The following RBM47 variants were observed in gnomAD, a reference collection of about 807,000 sequenced individuals.
The protein encoded by RBM47 is RNA binding motif protein 47, also known as RNA-binding protein 47.
In RBM47, 21 loss-of-function variants were observed where a neutral mutation model predicts 47.1. The ratio of observed to expected loss-of-function variants is 0.45; its 90% confidence interval spans 0.32 to 0.64. The LOEUF (loss-of-function observed/expected upper bound fraction) is 0.64, where lower values mean the gene tolerates loss of function less well. RBM47 is among the 30% of genes least tolerant of loss of function. RBM47 has a pLI of 0.05. For synonymous variants in RBM47, 375 were observed against 361.7 expected (o/e 1.04, Z -0.42); for missense variants, 708 against 870.9 (o/e 0.81, Z 2.35).
At chr4:40,622,199 T>C (rs114263776) in intron 1 of RBM47, among the ~76,000 whole-genome samples, 10 of 152,304 alleles carry the variant, frequency 6.6e-5, no homozygotes, top group Non-Finnish European at 1.2e-4. Context: ...CACAATTACA[T>C]AGTATGCTAC....
intron 2 of RBM47, among the ~76,000 whole-genome samples, chr4:40,506,933 G>A (rs1311097493): frequency 6.6e-6 from 1 of 151,910 alleles, no homozygotes; most frequent in Non-Finnish European, 1.5e-5. Context: ...TCAAAAGTTC[G>A]AGACCAGCCT....
At chr4:40,513,352 T>C (rs1371442006) in intron 2 of RBM47, among the ~76,000 whole-genome samples, 1 of 152,238 alleles carries the variant, frequency 6.6e-6, no homozygotes, top group African/African-American at 2.4e-5. Flanking sequence ...CCTTGTTATA[T>C]TGCCCGTTTT....
intron 2 of RBM47, among the ~76,000 whole-genome samples, chr4:40,525,988 GGAGTGCT>G (rs1726665942): frequency 1.3e-5 from 2 of 152,080 alleles, no homozygotes; most frequent in African/African-American, 4.8e-5. Context: ...CTAGATCCCC[GGAGTGCT>G]CAAAGGAGAG....
intron 1 of RBM47, among the ~76,000 whole-genome samples, chr4:40,564,679 T>G (rs1730934956): frequency 6.6e-6 from 1 of 152,200 alleles, no homozygotes; most frequent in African/African-American, 2.4e-5. Flanking sequence ...ATTTAGTCCT[T>G]TTAGAATACA....
chr4:40,592,423 T>C (rs1734235068), intron 1 of RBM47, among the ~76,000 whole-genome samples: 2 of 125,598 alleles, frequency 1.6e-5, no homozygotes, highest in African/African-American at 6.1e-5. Context: ...ATCTTTTTTT[T>C]TTCTTTTTTT....
At chr4:40,620,835 C>T (rs1172978182) in intron 1 of RBM47, among the ~76,000 whole-genome samples, 2 of 152,056 alleles carry the variant, frequency 1.3e-5, no homozygotes, top group African/African-American at 4.8e-5. Context: ...CACCCGGCCC[C>T]CCTATTCATT....
chr4:40,615,493 GA>G (rs1736640313), intron 1 of RBM47, among the ~76,000 whole-genome samples: 2 of 152,028 alleles, frequency 1.3e-5, no homozygotes, highest in Non-Finnish European at 2.9e-5. Context: ...ATTAAAAACA[GA>G]ATTTAGCCAG....
In RBM47 at chr4:40,569,411, A is replaced by ATTT. The variant is rs34044561; in HGVS notation, c.-239-24908_-239-24906dup. ...ACCATGAACTTAGAATTCTATTCTC[A>ATTT]TTTTTTTTTTTTTTTTGAGACGGAG... On this transcript the variant is annotated intron_variant, in intron 1 of 6. Coordinates refer to ENST00000295971, the MANE Select transcript of RBM47 (RefSeq NM_001098634.2). Among the ~76,000 whole-genome samples, 493 of 140,162 alleles carry ATTT rather than the reference A, an allele frequency of 3.5e-3. 7 individuals carry two copies. The highest frequency in any genetic ancestry group is 0.012 in the African/African-American group (466 of 37,746). 92.0% of individuals were successfully genotyped at this position (140,162 alleles called of 152,430 possible).
intron 2 of RBM47, among the ~76,000 whole-genome samples, chr4:40,484,678 C>T (rs1720847929): frequency 6.6e-6 from 1 of 152,218 alleles, no homozygotes; most frequent in Admixed American, 6.5e-5. Flanking sequence ...AACAGATACA[C>T]AGCTACACAC....
At chr4:40,508,815 C>T (rs2154252598) in intron 2 of RBM47, among the ~76,000 whole-genome samples, 1 of 152,310 alleles carries the variant, frequency 6.6e-6, no homozygotes, top group South Asian at 2.1e-4. Flanking sequence ...GTGTACCTAA[C>T]AGTCGTGCAG....
chr4:40,549,289 A>G (rs1047740478), intron 1 of RBM47, among the ~76,000 whole-genome samples: 18 of 151,662 alleles, frequency 1.2e-4, no homozygotes, highest in African/African-American at 4.4e-4. Context: ...ACAGGGTTTC[A>G]CCATGTTAGC....
intron 2 of RBM47, among the ~76,000 whole-genome samples, chr4:40,489,098 C>G (rs146987924): frequency 2.6e-5 from 4 of 152,306 alleles, no homozygotes; most frequent in South Asian, 2.1e-4. Context: ...GTATGCCCCC[C>G]TCATGTATTC....
intron 5 of RBM47, among the ~76,000 whole-genome samples, chr4:40,434,494 C>T (rs1711970595): frequency 6.6e-6 from 1 of 152,128 alleles, no homozygotes; most frequent in South Asian, 2.1e-4. Flanking sequence ...CAGTTCTTTT[C>T]TCTTGTTAAA....
chr4:40,571,448 A>AT (rs1473899971), intron 1 of RBM47, among the ~76,000 whole-genome samples: 1 of 152,038 alleles, frequency 6.6e-6, no homozygotes, highest in African/African-American at 2.4e-5. Context: ...TCATACCAGG[A>AT]TAAGTCCTGA....
At chr4:40,494,174 A>C (rs1169170091) in intron 2 of RBM47, among the ~76,000 whole-genome samples, 1 of 152,214 alleles carries the variant, frequency 6.6e-6, no homozygotes, top group East Asian at 1.9e-4. Flanking sequence ...TCGAAAAGAC[A>C]AAACAAGTTC....
chr4:40,595,381 C>T (rs1734656704), intron 1 of RBM47, among the ~76,000 whole-genome samples: 1 of 152,094 alleles, frequency 6.6e-6, no homozygotes, highest in African/African-American at 2.4e-5. Context: ...GTAATTCCAG[C>T]TACTCGGGAG....
chr4:40,465,674 A>G (rs1202749455), intron 3 of RBM47, among the ~76,000 whole-genome samples: 2 of 151,138 alleles, frequency 1.3e-5, no homozygotes, highest in Admixed American at 1.3e-4. Flanking sequence ...GCGACACTCC[A>G]TCTCCAAAAA....
chr4:40,479,504 T>C (rs1007899822), intron 2 of RBM47, among the ~76,000 whole-genome samples: 9 of 151,992 alleles, frequency 5.9e-5, no homozygotes, highest in Non-Finnish European at 7.4e-5. Flanking sequence ...TCGGGAAAAT[T>C]GCTTGTTTGA....
chr4:40,499,062 A>G (rs532654639), intron 2 of RBM47, among the ~76,000 whole-genome samples: 2 of 152,310 alleles, frequency 1.3e-5, no homozygotes, highest in African/African-American at 4.8e-5. Flanking sequence ...AAATAAATAA[A>G]TAAAAGAAGA....
Sources: allele counts gnomAD v4.1 joint callset (sites outside exome capture counted in the v4.1 genomes callset), GRCh38; gene constraint gnomAD v4.1.1; transcripts MANE v1.5; gene names NCBI Gene and HGNC (gene_info 2026-07-23, HGNC 2026-07-21).